The following SLC35D2 variants were observed in gnomAD, a reference collection of about 807,000 sequenced individuals.
SLC35D2 encodes the protein nucleotide sugar transporter SLC35D2.
In SLC35D2, 43 loss-of-function variants were observed where a neutral mutation model predicts 41.8. The ratio of observed to expected loss-of-function variants is 1.03; its 90% CI spans 0.81 to 1.33. The LOEUF is 1.33. Ranked by LOEUF, SLC35D2 falls within the 40% of genes most tolerant of loss-of-function variation. The pLI, the probability that SLC35D2 is intolerant of heterozygous loss-of-function variation, is 0.00. For synonymous variants in SLC35D2, 150 were observed against 163.9 expected (o/e 0.92, Z 0.65); for missense variants, 380 against 408.4 (o/e 0.93, Z 0.60).
intron 8 of SLC35D2, among the ~76,000 whole-genome samples, chr9:96,337,050 T>C (rs1829079419): frequency 6.6e-6 from 1 of 152,200 alleles, no homozygotes; most frequent in East Asian, 1.9e-4. Context: ...AGAAATTGTT[T>C]AGGACTGTGC....
In SLC35D2 at chr9:96,321,311, T is replaced by TA. The variant is rs35716890; in HGVS notation, c.944dup (p.Leu315PhefsTer10). The TA allele has an allele frequency of 1.2e-6, 2 of 1,613,784 alleles. No individual in the cohort carries two copies. The highest frequency in any genetic ancestry group is 1.7e-5 in the Admixed American group (1 of 59,980). ...TAGGTTTTAACTGGCTGCTCAGTGTTAAAAAGGAATATCTCAAGCCCCCTG... is the reference window on the plus strand; with the variant it reads ...TAGGTTTTAACTGGCTGCTCAGTGTTAAAAAAGGAATATCTCAAGCCCCCTG... On this transcript the variant is annotated frameshift_variant, in exon 12 of 12. Transcript: ENST00000253270. LOFTEE classifies it low-confidence loss of function (END_TRUNC).
rs766102566 is a variant in SLC35D2, at chr9:96,336,710, T to A, written c.752+7A>T. ...ACCAATGCTTCTACTTATCTATGGTTTCTTACCCCAAAAAACAGGAAAGAA... is the reference window on the plus strand; with the variant it reads ...ACCAATGCTTCTACTTATCTATGGTATCTTACCCCAAAAAACAGGAAAGAA... On this transcript the variant is annotated splice_region_variant and intron_variant, in intron 9 of 11. Coordinates refer to ENST00000253270, the MANE Select transcript of SLC35D2 (RefSeq NM_007001.3). The A allele has an allele frequency of 6.5e-7, 1 of 1,549,492 alleles. No individual in the cohort carries two copies. Among genetic ancestry groups the A allele is most frequent in the South Asian group, 1.2e-5 (1 of 86,938 alleles).
chr9:96,376,796 G>C (rs1830981276), intron 1 of SLC35D2, among the ~76,000 whole-genome samples: 1 of 151,580 alleles, frequency 6.6e-6, no homozygotes, highest in Non-Finnish European at 1.5e-5. Flanking sequence ...AGTAGCGACG[G>C]GGTTTCACCA....
intron 2 of SLC35D2, among the ~76,000 whole-genome samples, 181 bp downstream of exon 2, chr9:96,368,091 T>A (rs1364261925): frequency 6.6e-6 from 1 of 152,232 alleles, no homozygotes; most frequent in Non-Finnish European, 1.5e-5. Context: ...TGTTCCTAAA[T>A]TGTAGACTGA....
intron 10 of SLC35D2, 25 bp from the exon 11 acceptor site, chr9:96,322,105 T>A (rs993886652): frequency 1.4e-6 from 2 of 1,450,090 alleles, no homozygotes; most frequent in Admixed American, 3.6e-5. Flanking sequence ...AGAGGATTCG[T>A]CATTTTAAAA....
chr9:96,380,043 C>T (rs980801848), intron 1 of SLC35D2, among the ~76,000 whole-genome samples: 1 of 151,940 alleles, frequency 6.6e-6, no homozygotes, highest in African/African-American at 2.4e-5. Context: ...ATTGCAGGCA[C>T]CTGCCACCAC....
At chr9:96,365,275 G>A (rs920403221) in intron 2 of SLC35D2, among the ~76,000 whole-genome samples, 9 of 151,882 alleles carry the variant, frequency 5.9e-5, no homozygotes, top group Admixed American at 3.9e-4. Context: ...ACCTGAGCCC[G>A]GAAAGTCAAG....
chr9:96,344,276 G>T (rs945823795), intron 7 of SLC35D2, among the ~76,000 whole-genome samples: 7 of 151,562 alleles, frequency 4.6e-5, no homozygotes, highest in Non-Finnish European at 8.8e-5. Flanking sequence ...ATTATGTGGG[G>T]TTTTTTTTAA....
At chr9:96,327,916 C>T (rs1380519412) in intron 9 of SLC35D2, among the ~76,000 whole-genome samples, 3 of 152,128 alleles carry the variant, frequency 2.0e-5, no homozygotes, top group Admixed American at 1.3e-4. Flanking sequence ...GTCACCACTC[C>T]CAGCTTGCAC....
intron 3 of SLC35D2, among the ~76,000 whole-genome samples, chr9:96,360,863 T>A (rs569977594): frequency 1.5e-4 from 23 of 151,972 alleles, no homozygotes; most frequent in Non-Finnish European, 2.6e-4. Flanking sequence ...TGCCTCAGTC[T>A]CCCGAGTAGC....
chr9:96,340,118 A>T (rs1829246535), intron 8 of SLC35D2, among the ~76,000 whole-genome samples: 2 of 152,254 alleles, frequency 1.3e-5, no homozygotes, highest in Admixed American at 6.5e-5. Flanking sequence ...TTTGGTTTAC[A>T]ATCTAAAATG....
intron 1 of SLC35D2, among the ~76,000 whole-genome samples, chr9:96,378,373 A>G (rs1172538680): frequency 6.6e-6 from 1 of 152,036 alleles, no homozygotes; most frequent in East Asian, 1.9e-4. Context: ...GGTTCCAGTG[A>G]GCCGAGATTG....
intron 3 of SLC35D2, among the ~76,000 whole-genome samples, chr9:96,362,237 G>A (rs1830305997): frequency 6.6e-6 from 1 of 152,234 alleles, no homozygotes; most frequent in South Asian, 2.1e-4. Context: ...GCTGGGTGTA[G>A]TGACTCAAGC....
chr9:96,326,979 A>G (rs72603664), intron 9 of SLC35D2, among the ~76,000 whole-genome samples: 20,253 of 152,138 alleles, frequency 0.13, 1,797 homozygotes, highest in East Asian at 0.28. Flanking sequence ...CCTGGCTGTC[A>G]GAGGGGACCA....
chr9:96,331,150 G>A (rs1285086561), intron 9 of SLC35D2, among the ~76,000 whole-genome samples: 3 of 152,072 alleles, frequency 2.0e-5, no homozygotes, highest in Admixed American at 6.6e-5. Context: ...TGCCCACCTC[G>A]GCCTCCCAAA....
At chr9:96,364,301 C>T (rs1830394566) in intron 3 of SLC35D2, among the ~76,000 whole-genome samples, 163 bp downstream of exon 3, 1 of 152,192 alleles carries the variant, frequency 6.6e-6, no homozygotes, top group African/African-American at 2.4e-5. Context: ...CACCATTGCA[C>T]TCCAGCCTGG....
exon 12 of SLC35D2, chr9:96,314,283 A>C (rs1827998883): frequency 6.6e-6 from 1 of 152,200 alleles, no homozygotes; most frequent in Admixed American, 6.6e-5. Flanking sequence ...TAAAGATACA[A>C]GCATGTGTAT....
In SLC35D2 at chr9:96,351,895, A is replaced by G. The variant is rs1163158040; in HGVS notation, c.419+143T>C. The G allele has an allele frequency of 6.0e-6, 3 of 496,238 alleles. No homozygotes were observed. The East Asian group carries it at 9.9e-5, about 16-fold the overall frequency. 30.7% of individuals were successfully genotyped at this position (496,238 alleles called of 1,614,324 possible). A position where few individuals can be genotyped will look rare whatever the true frequency, so the allele number is the denominator to read the frequency against. On this transcript the variant is annotated intron_variant, in intron 5 of 11. Coordinates refer to ENST00000253270, the MANE Select transcript of SLC35D2 (RefSeq NM_007001.3). Reference sequence around the variant, plus strand: ...TCCCTCATTAAGTTCTTAGGGAATCACAGAAGCACAAAACTACTTTTAAAT... The same window carrying G: ...TCCCTCATTAAGTTCTTAGGGAATCGCAGAAGCACAAAACTACTTTTAAAT...
intron 6 of SLC35D2, among the ~76,000 whole-genome samples, chr9:96,349,266 A>G (rs1829710428): frequency 6.6e-6 from 1 of 152,210 alleles, no homozygotes; most frequent in African/African-American, 2.4e-5. Flanking sequence ...CTTTAAAAAT[A>G]TAATGTCTGC....
Sources: allele counts gnomAD v4.1 joint callset (sites outside exome capture counted in the v4.1 genomes callset), GRCh38; gene constraint gnomAD v4.1.1; transcripts MANE v1.5; gene names NCBI Gene and HGNC (gene_info 2026-07-23, HGNC 2026-07-21).